Variants in CHST9 observed in about 807,000 individuals in gnomAD.
The protein encoded by CHST9 is GalNAc-4-sulfotransferase 2.
A neutral mutation model predicts 44.4 loss-of-function variants in CHST9; 41 were observed. That is an observed-to-expected ratio of 0.92 (90% CI 0.72 to 1.20). The LOEUF (loss-of-function observed/expected upper bound fraction) is 1.20. Among genes scored for constraint, CHST9 ranks in the 50% most tolerant of loss-of-function variants. The pLI is 0.00. For missense variants in CHST9, 504 were observed against 516.5 expected (o/e 0.98, Z 0.23); for synonymous variants, 171 against 178.4 (o/e 0.96, Z 0.33).
At chr18:27,004,398 T>G (rs966013142) in intron 4 of CHST9, among the ~76,000 whole-genome samples, 8 of 151,826 alleles carry the variant, frequency 5.3e-5, no homozygotes, top group Non-Finnish European at 1.2e-4. Context: ...GTGCTTCCAG[T>G]GGTAAAAGGC....
At position 27,142,777 on chromosome 18, in the gene CHST9, T is replaced by G; in HGVS notation, c.33A>C (p.Lys11Asn). Residue 11 changes from lysine (K) to asparagine (N), a missense_variant, in exon 2 of 6, where the codon AAA (lysine) becomes AAC (asparagine). Transcript: ENST00000618847. MQPSEMVMNPKQVFLSVLIFG... is the reference protein window; with the variant it reads MQPSEMVMNPNQVFLSVLIFG... ...ATATCAGCACAGAGAGGAAGACTTG[T>G]TTGGGGTTCATGACCATTTCAGATG... is the stretch of plus-strand genomic sequence containing the variant. 6.2e-7 allele frequency: 1 copy of G among 1,611,694 alleles called. No individual in the cohort carries two copies. The highest frequency in any genetic ancestry group is 1.3e-5 in the African/African-American group (1 of 74,972).
intron 3 of CHST9, among the ~76,000 whole-genome samples, chr18:27,036,942 A>G (rs2057396152): frequency 2.0e-5 from 3 of 152,122 alleles, no homozygotes; most frequent in Non-Finnish European, 2.9e-5. Flanking sequence ...AACAGCTGCT[A>G]TATTTTTGTT....
At chr18:27,055,677 G>C (rs1490953162) in intron 2 of CHST9, among the ~76,000 whole-genome samples, 1 of 152,142 alleles carries the variant, frequency 6.6e-6, no homozygotes, top group African/African-American at 2.4e-5. Flanking sequence ...GCTGTCTTGG[G>C]TGCTAGTACA....
chr18:26,960,733 C>T (rs922718620), intron 4 of CHST9, among the ~76,000 whole-genome samples: 4 of 152,170 alleles, frequency 2.6e-5, no homozygotes, highest in Admixed American at 6.5e-5. Flanking sequence ...GTTAGTGGTG[C>T]GATCAGGGCT....
At chr18:27,018,029 CA>C (rs1055281183) in intron 4 of CHST9, among the ~76,000 whole-genome samples, 1 of 152,018 alleles carries the variant, frequency 6.6e-6, no homozygotes, top group African/African-American at 2.4e-5. Flanking sequence ...AAACCAAAAC[CA>C]AAAAGCCTTG....
At chr18:26,967,171 A>G (rs1358992209) in intron 4 of CHST9, among the ~76,000 whole-genome samples, 1 of 152,142 alleles carries the variant, frequency 6.6e-6, no homozygotes, top group Non-Finnish European at 1.5e-5. Flanking sequence ...GGGTCACTTC[A>G]CCCTTAGTCA....
At chr18:27,125,096 C>A (rs1002704327) in intron 2 of CHST9, among the ~76,000 whole-genome samples, 3 of 152,094 alleles carry the variant, frequency 2.0e-5, no homozygotes, top group African/African-American at 7.2e-5. Context: ...CTTTGTGCTA[C>A]TAAATATGTC....
At chr18:27,133,080 A>G (rs955402397) in intron 2 of CHST9, among the ~76,000 whole-genome samples, 1 of 152,164 alleles carries the variant, frequency 6.6e-6, no homozygotes, top group Admixed American at 6.5e-5. Context: ...TGGACGATAA[A>G]TTTACTGTGC....
chr18:27,096,624 CA>C (rs2058119425), intron 2 of CHST9, among the ~76,000 whole-genome samples: 2 of 151,882 alleles, frequency 1.3e-5, no homozygotes, highest in African/African-American at 4.8e-5. Context: ...CACAGAAATA[CA>C]AAAGATCCGT....
chr18:27,055,525 G>A (rs895234269), intron 2 of CHST9, among the ~76,000 whole-genome samples: 1 of 152,086 alleles, frequency 6.6e-6, no homozygotes, highest in South Asian at 2.1e-4. Flanking sequence ...GATTTGCAGG[G>A]CCAGACCTAA....
intron 2 of CHST9, among the ~76,000 whole-genome samples, chr18:27,077,055 T>C (rs955439060): frequency 3.3e-5 from 5 of 152,216 alleles, no homozygotes; most frequent in Non-Finnish European, 5.9e-5. Context: ...ATAATGTGCA[T>C]AAAATTCTGA....
At chr18:26,973,899 C>T (rs1307704860) in intron 4 of CHST9, among the ~76,000 whole-genome samples, 2 of 152,168 alleles carry the variant, frequency 1.3e-5, no homozygotes, top group African/African-American at 4.8e-5. Context: ...TGTGTTCAGA[C>T]TCTCATGCTG....
rs1333958226 is a variant in CHST9, at chr18:26,912,609, A to G, written c.*3650T>C. Reference sequence around the variant, plus strand: ...ACTTATCATCTCTGTCTCCTTAGGCAAGTTACTCAGCTATAGTCTGCTTTA... The same window carrying G: ...ACTTATCATCTCTGTCTCCTTAGGCGAGTTACTCAGCTATAGTCTGCTTTA... On this transcript the variant is annotated 3_prime_UTR_variant, in exon 6 of 6. Coordinates refer to ENST00000618847, the MANE Select transcript of CHST9 (RefSeq NM_031422.6). The G allele has an allele frequency of 2.0e-5, 3 of 152,192 alleles. No homozygotes were observed. Among genetic ancestry groups the G allele is most frequent in the Admixed American group, 6.5e-5 (1 of 15,274 alleles). 9.4% of individuals were successfully genotyped at this position (152,192 alleles called of 1,614,324 possible). A position where few individuals can be genotyped will look rare whatever the true frequency, so the allele number is the denominator to read the frequency against.
intron 2 of CHST9, among the ~76,000 whole-genome samples, chr18:27,058,920 G>A (rs1482340539): frequency 2.0e-5 from 3 of 152,010 alleles, no homozygotes. Context: ...TTTTCATAAT[G>A]AGAATATTTA....
chr18:26,985,182 C>T (rs1052743416), intron 4 of CHST9, among the ~76,000 whole-genome samples: 2 of 152,166 alleles, frequency 1.3e-5, no homozygotes, highest in Non-Finnish European at 2.9e-5. Context: ...TGAACTACTA[C>T]TACATGCAAC....
chr18:27,153,809 G>A (rs548722754), intron 1 of CHST9, among the ~76,000 whole-genome samples: 2 of 152,214 alleles, frequency 1.3e-5, no homozygotes, highest in South Asian at 4.2e-4. Flanking sequence ...GGCTTCCCAG[G>A]CTGCAGTGAT....
chr18:27,090,768 T>A (rs2058060504), intron 2 of CHST9, among the ~76,000 whole-genome samples: 1 of 152,192 alleles, frequency 6.6e-6, no homozygotes, highest in Non-Finnish European at 1.5e-5. Context: ...ATGTGTGGTG[T>A]TATTTCTGAG....
intron 3 of CHST9, among the ~76,000 whole-genome samples, chr18:27,028,065 G>A (rs1330972723): frequency 6.6e-6 from 1 of 151,874 alleles, no homozygotes; most frequent in Non-Finnish European, 1.5e-5. Context: ...ACAGGCATGT[G>A]CCACCATGCC....
chr18:27,057,447 AAC>A (rs1420197479), intron 2 of CHST9, among the ~76,000 whole-genome samples: 1 of 152,220 alleles, frequency 6.6e-6, no homozygotes, highest in African/African-American at 2.4e-5. Context: ...CTGCTGATTA[AAC>A]ACCAGCCTCC....
Sources: gnomAD v4.1 joint callset for allele counts (sites outside exome capture counted in the v4.1 genomes callset) on GRCh38, gnomAD v4.1.1 for gene constraint, MANE v1.5 for transcripts, NCBI Gene and HGNC (gene_info 2026-07-23, HGNC 2026-07-21) for gene names.